ZNF283: variants seen among roughly 807,000 people sequenced by gnomAD.
ZNF283 encodes the protein zinc finger protein 41.
A neutral mutation model predicts 9.2 loss-of-function variants in ZNF283; 10 were observed. That is an observed-to-expected ratio of 1.09 (90% CI 0.67 to 1.85). ZNF283 has a LOEUF of 1.85. Among genes scored for constraint, ZNF283 ranks in the 40% most tolerant of loss-of-function variants. The pLI, the probability that ZNF283 is intolerant of heterozygous loss-of-function variation, is 0.00. For missense variants in ZNF283, 631 were observed against 760.1 expected, an observed-to-expected ratio of 0.83 and a Z score of 2.00; for synonymous variants, 234 against 244.1, an observed-to-expected ratio of 0.96 and a Z score of 0.38.
Position 43,838,290 on chromosome 19 carries a change from C to A in ZNF283, c.337+1111C>A, listed in dbSNP as rs62118368. ...CTCCTTGTGCAGTTGCCCTTTTTCC[C>A]TTCCACAACTATTTTGTGGGGAGGA... On this transcript the variant is annotated intron_variant, in intron 6 of 6. Coordinates refer to ENST00000618787, the MANE Select transcript of ZNF283 (RefSeq NM_181845.2). Among the ~76,000 whole-genome samples, 17 of 152,000 alleles carry A rather than the reference C, an allele frequency of 1.1e-4. No individual in the cohort carries two copies. In the East Asian group the frequency reaches 1.2e-3, roughly 10 times the overall value.
In ZNF283 at chr19:43,849,207, G is replaced by A. The variant is rs1971540862; in HGVS notation, c.*566G>A. On this transcript the variant is annotated 3_prime_UTR_variant, in exon 7 of 7. Transcript: ENST00000618787. ...AAATTATTATCCAGAGACTGGTGCA[G>A]TCATAAAATTGTCATCTGTCAATTG... 1 of 152,220 alleles carries A rather than the reference G, an allele frequency of 6.6e-6. No homozygotes were observed. Among genetic ancestry groups the A allele is most frequent in the African/African-American group, 2.4e-5 (1 of 41,456 alleles). The allele number at this position is 152,220 out of a possible 1,614,324, so 9.4% of individuals were successfully genotyped here. A position where few individuals can be genotyped will look rare whatever the true frequency, so the allele number is the denominator to read the frequency against.
chr19:43,845,154 G>T (rs1235536702), intron 6 of ZNF283, among the ~76,000 whole-genome samples: 3 of 152,082 alleles, frequency 2.0e-5, no homozygotes, highest in Non-Finnish European at 2.9e-5. Flanking sequence ...GCCTAGAAAG[G>T]CCAAACTTCT....
intron 6 of ZNF283, among the ~76,000 whole-genome samples, chr19:43,842,450 G>C (rs1971249401): frequency 6.7e-6 from 1 of 149,206 alleles, no homozygotes; most frequent in African/African-American, 2.5e-5. Flanking sequence ...TAGTGACTTG[G>C]GGATTTTATT....
At position 43,848,501 on chromosome 19, in the gene ZNF283, A is replaced by G. The variant is rs187545887; in HGVS notation, c.1900A>G (p.Lys634Glu). Reference sequence around the variant, plus strand: ...GCTTTATCAACGTAAGGAATTCGGGAAGACCTTTACTTGTGGCTCAAAACT... The same window carrying G: ...GCTTTATCAACGTAAGGAATTCGGGGAGACCTTTACTTGTGGCTCAAAACT... ...EKLYQRKEFG[K>E]TFTCGSKLVH... Residue 634 changes from lysine (K) to glutamate (E), a missense_variant, in exon 7 of 7, where the codon AAG becomes GAG. Physicochemically the swap from Lys to Glu is moderately conservative, Grantham distance 56 (BLOSUM62 1). Coordinates refer to ENST00000618787, the MANE Select transcript of ZNF283 (RefSeq NM_181845.2). The G allele has an allele frequency of 1.6e-4, 252 of 1,613,540 alleles. 3 individuals carry two copies. In the Middle Eastern group the frequency reaches 5.4e-3, roughly 35 times the overall value.
At chr19:43,839,418 GAT>G (rs1971110681) in intron 6 of ZNF283, among the ~76,000 whole-genome samples, 1 of 152,006 alleles carries the variant, frequency 6.6e-6, no homozygotes, top group African/African-American at 2.4e-5. Flanking sequence ...AATGTGTCTA[GAT>G]ATGAATCTCT....
rs1971432264 is a variant in ZNF283, at chr19:43,847,113, A to G, written c.512A>G (p.Gln171Arg). 3 of 1,613,520 alleles carry G rather than the reference A, an allele frequency of 1.9e-6. No homozygotes were observed. The highest frequency in any genetic ancestry group is 2.5e-6 in the Non-Finnish European group (3 of 1,179,660). Reference sequence around the variant, plus strand: ...ATATTCGAGGGACTAAAAGGACATCAAGAGGGATACTTCAGTCAAATGATA... The same window carrying G: ...ATATTCGAGGGACTAAAAGGACATCGAGAGGGATACTTCAGTCAAATGATA... ...KSIFEGLKGH[Q>R]EGYFSQMIIS... Residue 171 changes from glutamine to arginine, a missense_variant, in exon 7 of 7, where the codon CAA becomes CGA. Around this residue, in one of 3 missense-constraint regions of ZNF283, gnomAD observed 184 missense variants for 220.0 expected, o/e 0.84. Coordinates refer to ENST00000618787, the MANE Select transcript of ZNF283 (RefSeq NM_181845.2).
chr19:43,847,165 C>A lies in ZNF283; in HGVS notation c.564C>A (p.Tyr188Ter). The change falls in exon 7 of 7, where the codon TAC becomes TAA. Residue 188 changes from tyrosine to a stop codon, truncating the protein, a stop_gained. Coordinates refer to ENST00000618787, the MANE Select transcript of ZNF283 (RefSeq NM_181845.2). LOFTEE classifies it low-confidence loss of function (END_TRUNC). ...MIISYEKIPSYRKSKSLTPHQ... is the reference protein window; with the variant it reads ...MIISYEKIPS ...TCAGCTATGAAAAAATACCTTCTTA[C>A]AGAAAAAGTAAATCTCTTACTCCAC... is the stretch of plus-strand genomic sequence containing the variant. 1 of 1,613,540 alleles carries A rather than the reference C, an allele frequency of 6.2e-7. No homozygotes were observed. The highest frequency in any genetic ancestry group is 1.3e-5 in the African/African-American group (1 of 75,014).
rs1568428541 is a variant in ZNF283, at chr19:43,850,132, A to C, written c.*1491A>C. The C allele has an allele frequency of 6.6e-6, 1 of 152,218 alleles. No individual in the cohort carries two copies. Among genetic ancestry groups the C allele is most frequent in the Non-Finnish European group, 1.5e-5 (1 of 68,028 alleles). 9.4% of individuals were successfully genotyped at this position (152,218 alleles called of 1,614,324 possible). A position where few individuals can be genotyped will look rare whatever the true frequency, so the allele number is the denominator to read the frequency against. ...GGAAAGCTGTTTTATAGAATGTCACACATTAGTTTCATTCCTCATGGTGAA... is the reference window on the plus strand; with the variant it reads ...GGAAAGCTGTTTTATAGAATGTCACCCATTAGTTTCATTCCTCATGGTGAA... On this transcript the variant is annotated 3_prime_UTR_variant, in exon 7 of 7. Transcript: ENST00000618787.
intron 3 of ZNF283, 23 bp from the exon 4 acceptor site, chr19:43,833,482 T>TTC (rs1226981303): frequency 2.7e-5 from 6 of 218,366 alleles, no homozygotes; most frequent in South Asian, 7.1e-5. Flanking sequence ...CTTTACCTAT[T>TTC]TCTTTTTTTT....
chr19:43,846,180 A>G (rs1971393981), intron 6 of ZNF283, among the ~76,000 whole-genome samples: 1 of 152,190 alleles, frequency 6.6e-6, no homozygotes, highest in Non-Finnish European at 1.5e-5. Context: ...AAATAGCAAT[A>G]CAATTACTGT....
intron 6 of ZNF283, chr19:43,841,577 C>T (rs1037432001): frequency 1.3e-4 from 20 of 151,928 alleles, no homozygotes; most frequent in African/African-American, 3.9e-4. Context: ...GGATTACAGT[C>T]GTGTGCCACT....
chr19:43,833,679 G>T (rs1302242296), intron 4 of ZNF283, 53 bp downstream of exon 4: 4 of 153,678 alleles, frequency 2.6e-5, no homozygotes, highest in Non-Finnish European at 1.4e-5. Flanking sequence ...TAGAGACGGG[G>T]TTTCACCATG....
chr19:43,848,520 C>A lies in ZNF283; in HGVS notation c.1919C>A (p.Ser640Ter), dbSNP rs1257902457. 2 of 1,612,790 alleles carry A rather than the reference C, an allele frequency of 1.2e-6. No individual in the cohort carries two copies. Among genetic ancestry groups the A allele is most frequent in the Non-Finnish European group, 1.7e-6 (2 of 1,179,138 alleles). Residue 640 changes from serine (S) to a stop codon, truncating the protein, a stop_gained, in exon 7 of 7, where the codon TCA (serine) becomes TAA (stop). Transcript: ENST00000618787. LOFTEE classifies it low-confidence loss of function (END_TRUNC). ...KEFGKTFTCG[S>*]KLVHERTHSN... ...TTCGGGAAGACCTTTACTTGTGGCT[C>A]AAAACTTGTTCATGAGAGAACTCAT...
intron 4 of ZNF283, among the ~76,000 whole-genome samples, 176 bp from the exon 5 acceptor site, chr19:43,835,329 G>T (rs1218488407): frequency 6.6e-6 from 1 of 152,178 alleles, no homozygotes; most frequent in Non-Finnish European, 1.5e-5. Flanking sequence ...ACCAGACACT[G>T]CCAGAAACCT....
chr19:43,837,657 T>C (rs571991540), intron 6 of ZNF283: 180 of 160,858 alleles, frequency 1.1e-3, no homozygotes, highest in African/African-American at 4.0e-3. Context: ...TAGTATGTAA[T>C]GAAGCAAATT....
rs751956699 is a variant in ZNF283 at position 43,848,659 on chromosome 19, AT to A, written c.*19del. On this transcript the variant is annotated 3_prime_UTR_variant, in exon 7 of 7. Coordinates refer to ENST00000618787, the MANE Select transcript of ZNF283 (RefSeq NM_181845.2). ...CCTTATGATTGAAAGTTGTAAAAGA[AT>A]ATTTTGTGTGTGTGTATAGACAACT... 6.6e-7 allele frequency: 1 copy of A among 1,526,180 alleles called. No homozygotes were observed. The highest frequency in any genetic ancestry group is 8.8e-7 in the Non-Finnish European group (1 of 1,137,094). The allele number at this position is 1,526,180 out of a possible 1,614,324, so 94.5% of individuals were successfully genotyped here. A position where few individuals can be genotyped will look rare whatever the true frequency, so the allele number is the denominator to read the frequency against.
intron 6 of ZNF283, among the ~76,000 whole-genome samples, chr19:43,843,437 C>T (rs1482543317): frequency 2.0e-5 from 3 of 152,140 alleles, no homozygotes; most frequent in Non-Finnish European, 4.4e-5. Context: ...CAGACTTGGG[C>T]AGTAGGAAAA....
In ZNF283 at chr19:43,847,552, A is replaced by G. The variant is rs371509302; in HGVS notation, c.951A>G (p.Lys317=). The G allele has an allele frequency of 9.8e-5, 157 of 1,602,698 alleles. 1 individual carries two copies. The African/African-American group carries it at 1.9e-3, about 20-fold the overall frequency. The part of the protein sequence containing the change: ...TQHQKIHTGV[K]SYKCKECGKA... Reference sequence around the variant, plus strand: ...ATCAGAAAATTCATACTGGTGTGAAATCTTATAAATGTAAGGAATGTGGGA... The same window carrying G: ...ATCAGAAAATTCATACTGGTGTGAAGTCTTATAAATGTAAGGAATGTGGGA... Residue 317 remains lysine, a synonymous_variant, in exon 7 of 7, where the codon AAA becomes AAG. Coordinates refer to ENST00000618787, the MANE Select transcript of ZNF283 (RefSeq NM_181845.2).
intron 2 of ZNF283, 58 bp downstream of exon 2, chr19:43,828,339 A>G (rs1970560635): frequency 6.6e-6 from 1 of 152,196 alleles, no homozygotes; most frequent in African/African-American, 2.4e-5. Flanking sequence ...CTTTGCTTCT[A>G]GGTCATGAGA....
Sources: gnomAD v4.1 joint callset for allele counts (sites outside exome capture counted in the v4.1 genomes callset) on GRCh38, gnomAD v4.1.1 for gene constraint, gnomAD v4.1.1 regional missense constraint, MANE v1.5 for transcripts, NCBI Gene and HGNC (gene_info 2026-07-23, HGNC 2026-07-21) for gene names.